The following SPOCK3 variants were observed in gnomAD, a reference collection of about 807,000 sequenced individuals.
SPOCK3 encodes the protein SPARC (osteonectin), cwcv and kazal like domains proteoglycan 3.
Under a neutral mutation model 56.6 loss-of-function variants are expected in SPOCK3, and 30 were observed. The ratio of observed to expected loss-of-function variants is 0.53; its 90% CI spans 0.40 to 0.72. SPOCK3 has a LOEUF of 0.72. SPOCK3 is among the 30% of genes least tolerant of loss of function. SPOCK3 has a pLI of 0.00. For synonymous variants in SPOCK3, 196 were observed against 183.3 expected (o/e 1.07, Z -0.56); for missense variants, 527 against 530.0 (o/e 0.99, Z 0.06).
At chr4:167,234,917 TTGTCAGGCAGACGTGAGAA>T (rs1397491633), upstream of SPOCK3, 1 of 152,266 alleles carries the variant, frequency 6.6e-6, no homozygotes, top group African/African-American at 2.4e-5. Flanking sequence ...ATTTCCAGGG[TTGTCAGGCAGACGTGAGAA>T]ACAAGATCTG....
chr4:167,163,262 T>C (rs1479036994), intron 2 of SPOCK3, among the ~76,000 whole-genome samples: 2 of 151,544 alleles, frequency 1.3e-5, no homozygotes, highest in South Asian at 2.1e-4. Flanking sequence ...GTTCCTTTTT[T>C]AAAACATTTA....
At chr4:166,876,743 G>A (rs1462316376) in intron 6 of SPOCK3, among the ~76,000 whole-genome samples, 1 of 152,016 alleles carries the variant, frequency 6.6e-6, no homozygotes, top group African/African-American at 2.4e-5. Flanking sequence ...TGGAAGACTT[G>A]TTTTAGTTAA....
At chr4:166,801,502 T>TA in intron 6 of SPOCK3, among the ~76,000 whole-genome samples, 1 of 152,228 alleles carries the variant, frequency 6.6e-6, no homozygotes, top group East Asian at 1.9e-4. Context: ...ATGGGCTTAT[T>TA]AAAAAGACCT....
intron 7 of SPOCK3, among the ~76,000 whole-genome samples, chr4:166,785,319 A>G (rs1429411983): frequency 1.3e-5 from 2 of 152,070 alleles, no homozygotes; most frequent in Non-Finnish European, 2.9e-5. Context: ...AAAAATAATG[A>G]CAGACTGTAT....
At chr4:167,037,463 C>T (rs1429895084) in intron 3 of SPOCK3, among the ~76,000 whole-genome samples, 2 of 143,608 alleles carry the variant, frequency 1.4e-5, no homozygotes, top group African/African-American at 5.1e-5. Context: ...GCCTGGGCGA[C>T]AGAGCCAGAC....
In SPOCK3 at chr4:167,058,222, A is replaced by C. The variant is rs1755132017; in HGVS notation, c.235+4270T>G. 2.6e-5 allele frequency among the ~76,000 whole-genome samples: 4 copies of C among 152,230 alleles called. 1 individual carries two copies. The highest frequency in any genetic ancestry group is 5.9e-5 in the Non-Finnish European group (4 of 68,044). ...AGGAAGTCAAATTGTCCCTGTTTGC[A>C]GATGACATGATTGTATATCTAGAAA... On this transcript the variant is annotated intron_variant, in intron 3 of 10. Coordinates refer to ENST00000357545, the MANE Select transcript of SPOCK3 (RefSeq NM_001040159.2).
chr4:167,053,164 C>A (rs548345972), intron 3 of SPOCK3, among the ~76,000 whole-genome samples: 2 of 152,164 alleles, frequency 1.3e-5, no homozygotes, highest in East Asian at 1.9e-4. Flanking sequence ...GCAATAAATA[C>A]AATGGATAAG....
intron 4 of SPOCK3, among the ~76,000 whole-genome samples, chr4:166,943,550 A>C (rs1286227377): frequency 1.3e-5 from 2 of 152,232 alleles, no homozygotes; most frequent in African/African-American, 4.8e-5. Context: ...AACCTCAAGT[A>C]GTTGTTCAAT....
intron 2 of SPOCK3, among the ~76,000 whole-genome samples, chr4:167,226,559 C>A (rs1214466841): frequency 6.6e-6 from 1 of 152,060 alleles, no homozygotes; most frequent in Non-Finnish European, 1.5e-5. Flanking sequence ...ACATTTTCTC[C>A]GAGTATTGAG....
intron 4 of SPOCK3, among the ~76,000 whole-genome samples, chr4:166,932,519 C>A (rs904385554): frequency 1.6e-4 from 25 of 152,044 alleles, no homozygotes; most frequent in African/African-American, 5.8e-4. Flanking sequence ...AACAAACTTT[C>A]TTTAAGAAAA....
intron 5 of SPOCK3, among the ~76,000 whole-genome samples, chr4:166,904,278 T>C (rs1230043618): frequency 6.6e-6 from 1 of 152,050 alleles, no homozygotes; most frequent in Non-Finnish European, 1.5e-5. Context: ...ATTGTTAAAA[T>C]TAAGAAGTTA....
At chr4:166,933,832 T>C (rs1740069364) in intron 4 of SPOCK3, among the ~76,000 whole-genome samples, 1 of 152,128 alleles carries the variant, frequency 6.6e-6, no homozygotes, top group African/African-American at 2.4e-5. Context: ...TCAGGATCTT[T>C]CTCCTGCAAT....
At chr4:167,035,265 T>C (rs886404281) in intron 3 of SPOCK3, among the ~76,000 whole-genome samples, 9 of 152,138 alleles carry the variant, frequency 5.9e-5, no homozygotes, top group Non-Finnish European at 1.2e-4. Context: ...TTATTGTTGC[T>C]GTCGTGAGTT....
intron 3 of SPOCK3, among the ~76,000 whole-genome samples, chr4:167,009,662 A>T (rs1164693521): frequency 1.3e-5 from 2 of 152,136 alleles, no homozygotes; most frequent in African/African-American, 2.4e-5. Flanking sequence ...CAAAATAAAC[A>T]TAATGAAGAG....
At chr4:167,092,831 T>G (rs1758819224) in intron 2 of SPOCK3, among the ~76,000 whole-genome samples, 1 of 152,046 alleles carries the variant, frequency 6.6e-6, no homozygotes, top group African/African-American at 2.4e-5. Context: ...CCAAAATTAT[T>G]ACACTCACCA....
intron 8 of SPOCK3, 92 bp downstream of exon 8, chr4:166,754,416 T>C: frequency 6.9e-7 from 1 of 1,440,974 alleles, no homozygotes; most frequent in Non-Finnish European, 9.1e-7. Context: ...ACAAAATGAA[T>C]GAGCATAGTG....
In SPOCK3 at chr4:167,062,478, A is replaced by C. The variant is rs200053129; in HGVS notation, c.235+14T>G. The C allele has an allele frequency of 6.4e-7, 1 of 1,572,160 alleles. No individual in the cohort carries two copies. Among genetic ancestry groups the C allele is most frequent in the Non-Finnish European group, 8.7e-7 (1 of 1,145,976 alleles). On this transcript the variant is annotated intron_variant, in intron 3 of 10. Coordinates refer to ENST00000357545, the MANE Select transcript of SPOCK3 (RefSeq NM_001040159.2). Reference sequence around the variant, plus strand: ...CATGTAAAGGTTTTTATTTTAAAATAGTTAGATTCTTACCCTGATCGAAGG... The same window carrying C: ...CATGTAAAGGTTTTTATTTTAAAATCGTTAGATTCTTACCCTGATCGAAGG...
chr4:166,891,733 A>C (rs1734807875), intron 5 of SPOCK3, among the ~76,000 whole-genome samples: 1 of 152,044 alleles, frequency 6.6e-6, no homozygotes, highest in Non-Finnish European at 1.5e-5. Flanking sequence ...AATATTCTGC[A>C]CTGTATCTTC....
chr4:166,940,181 G>C (rs965720431), intron 4 of SPOCK3, among the ~76,000 whole-genome samples: 5 of 152,152 alleles, frequency 3.3e-5, no homozygotes, highest in African/African-American at 4.8e-5. Flanking sequence ...ATTTTCAAGA[G>C]AGAAGAAATA....
Sources: gnomAD v4.1 joint callset for allele counts (sites outside exome capture counted in the v4.1 genomes callset) on GRCh38, gnomAD v4.1.1 for gene constraint, MANE v1.5 for transcripts, NCBI Gene and HGNC (gene_info 2026-07-23, HGNC 2026-07-21) for gene names.